The following ABCC11 variants were observed in gnomAD, a reference collection of about 807,000 sequenced individuals.
The protein encoded by ABCC11 is ATP binding cassette subfamily C member 11.
A neutral mutation model predicts 149.3 loss-of-function variants in ABCC11; 135 were observed. The ratio of observed to expected loss-of-function variants is 0.90; its 90% CI spans 0.79 to 1.04. The LOEUF is 1.04. ABCC11 is among the 50% of genes least tolerant of loss of function. ABCC11 has a pLI of 0.00. For missense variants in ABCC11, 1,680 were observed against 1,722.1 expected, an observed-to-expected ratio of 0.98 and a Z score of 0.43; for synonymous variants, 665 against 671.4, an observed-to-expected ratio of 0.99 and a Z score of 0.15.
intron 18 of ABCC11, among the ~76,000 whole-genome samples, chr16:48,194,494 A>G (rs79827067): frequency 0.027 from 4,184 of 152,260 alleles, 71 homozygotes; most frequent in Non-Finnish European, 0.037. Flanking sequence ...TCCTATCCCC[A>G]TTTTCAATAG....
At chr16:48,237,760 C>T (rs1049186652) in intron 1 of ABCC11, among the ~76,000 whole-genome samples, 4 of 152,146 alleles carry the variant, frequency 2.6e-5, no homozygotes, top group Non-Finnish European at 4.4e-5. Context: ...ATTCCAGGAA[C>T]AGGTTCCTCA....
At chr16:48,206,737 C>T (rs767337234) in intron 12 of ABCC11, among the ~76,000 whole-genome samples, 1 of 152,196 alleles carries the variant, frequency 6.6e-6, no homozygotes, top group Non-Finnish European at 1.5e-5. Flanking sequence ...GAACAGAGCT[C>T]TGACCTCAGG....
At chr16:48,192,395 G>T in intron 20 of ABCC11, 125 bp downstream of exon 20, 1 of 1,068,366 alleles carries the variant, frequency 9.4e-7, no homozygotes, top group Non-Finnish European at 1.3e-6. Context: ...CATGAGTGGA[G>T]ATTGTGCCAC....
chr16:48,242,154 A>T (rs1322411811), intron 1 of ABCC11, among the ~76,000 whole-genome samples: 1 of 152,242 alleles, frequency 6.6e-6, no homozygotes, highest in Non-Finnish European at 1.5e-5. Context: ...CATCTGACAA[A>T]GGGCTAATAT....
chr16:48,193,306 T>C (rs1210936497), intron 19 of ABCC11, among the ~76,000 whole-genome samples: 1 of 152,144 alleles, frequency 6.6e-6, no homozygotes, highest in Non-Finnish European at 1.5e-5. Context: ...TGGTACACGA[T>C]CCAGAAATTA....
Position 48,167,484 on chromosome 16 carries a change from C to T in ABCC11, c.4056+12G>A, listed in dbSNP as rs191248135. Reference sequence around the variant, plus strand: ...CCTCATCCTCCCACCAGCCCAAGGACGCAGCCTTCACCTTCCCATTGCCCA... The same window carrying T: ...CCTCATCCTCCCACCAGCCCAAGGATGCAGCCTTCACCTTCCCATTGCCCA... On this transcript the variant is annotated intron_variant, in intron 29 of 29. Coordinates refer to ENST00000356608, the MANE Select transcript of ABCC11 (RefSeq NM_001370497.1). The T allele has an allele frequency of 1.9e-5, 31 of 1,613,806 alleles. No homozygotes were observed. The highest frequency in any genetic ancestry group is 1.3e-4 in the East Asian group (6 of 44,886).
At chr16:48,231,660 C>CAAAAAA (rs57185310) in intron 2 of ABCC11, among the ~76,000 whole-genome samples, 163 bp downstream of exon 2, 1 of 78,090 alleles carries the variant, frequency 1.3e-5, no homozygotes, top group Non-Finnish European at 2.8e-5. Context: ...GACCCTGAGT[C>CAAAAAA]AAAAAAAAAA....
rs1212315245 is a variant in ABCC11, at chr16:48,232,086, T to C, written c.-18-147A>G. 5.7e-6 allele frequency: 8 copies of C among 1,414,738 alleles called. No homozygotes were observed. The East Asian group carries it at 2.0e-4, about 36-fold the overall frequency. 87.6% of individuals were successfully genotyped at this position (1,414,738 alleles called of 1,614,324 possible). ...AGGTTTGGGTGCCTGCTCTTTCCTC[T>C]CCTTAGCCTGTGCTTGATCCCTCTT... On this transcript the variant is annotated intron_variant, in intron 1 of 29. Transcript: ENST00000356608.
At chr16:48,175,554 G>A in intron 25 of ABCC11, 137 bp from the exon 26 acceptor site, 1 of 1,055,860 alleles carries the variant, frequency 9.5e-7, no homozygotes, top group Non-Finnish European at 1.3e-6. Context: ...GAAGGGGTAG[G>A]AGAGGGCTGG....
At chr16:48,214,758 C>A in intron 9 of ABCC11, 123 bp downstream of exon 9, 1 of 1,334,808 alleles carries the variant, frequency 7.5e-7, no homozygotes, top group South Asian at 1.4e-5. Context: ...TCTGGAAAAT[C>A]AAAATCAACA....
At chr16:48,213,385 G>T (rs1969081664) in intron 10 of ABCC11, 58 bp downstream of exon 10, 3 of 1,464,600 alleles carry the variant, frequency 2.0e-6, no homozygotes, top group Non-Finnish European at 2.8e-6. Flanking sequence ...CATCATGGGG[G>T]CTGAAGGCAG....
In ABCC11 at chr16:48,224,394, C is replaced by T. The variant is rs150417900; in HGVS notation, c.431G>A (p.Arg144Gln). The change falls in exon 5 of 30, where the codon CGA becomes CAA. Residue 144 changes from arginine to glutamine, a missense_variant. Coordinates refer to ENST00000356608, the MANE Select transcript of ABCC11 (RefSeq NM_001370497.1). ...HRLWEEEVSR[R>Q]GIEKASVLLV... The stretch of plus-strand genomic sequence containing the variant: ...AAGCACTGAAGCTTTTTCAATCCCT[C>T]GCCTTGAGACTTCTTCTTCCCAAAG... The T allele has an allele frequency of 7.4e-6, 12 of 1,614,160 alleles. No individual in the cohort carries two copies. The highest frequency in any genetic ancestry group is 5.3e-5 in the African/African-American group (4 of 75,046).
intron 1 of ABCC11, among the ~76,000 whole-genome samples, chr16:48,239,637 A>C (rs1194214213): frequency 6.6e-6 from 1 of 151,858 alleles, no homozygotes; most frequent in Non-Finnish European, 1.5e-5. Context: ...TCATGATGAA[A>C]ACAACAAAAG....
intron 23 of ABCC11, among the ~76,000 whole-genome samples, chr16:48,181,004 G>A (rs1173378609): frequency 6.6e-6 from 1 of 152,196 alleles, no homozygotes; most frequent in Non-Finnish European, 1.5e-5. Flanking sequence ...AACAACCTTT[G>A]AGCAACCGCC....
chr16:48,217,611 A>G (rs1380243734), intron 6 of ABCC11, among the ~76,000 whole-genome samples: 1 of 152,234 alleles, frequency 6.6e-6, no homozygotes, highest in East Asian at 1.9e-4. Context: ...AAAAACAAAA[A>G]CACAAAATCT....
In ABCC11 at chr16:48,200,328, A is replaced by G; in HGVS notation, c.2030T>C (p.Ile677Thr). ...CGTCTTCCCCCTGAGTGTCTTCTTA[A>G]TGCACTCCTCAAAAATGTGCTTCCC... Reference protein sequence around the residue: ...HVGKHIFEECIKKTLRGKTVV... With the variant: ...HVGKHIFEECTKKTLRGKTVV... Residue 677 changes from isoleucine to threonine, a missense_variant, in exon 15 of 30, where the codon ATT (isoleucine) becomes ACT (threonine). Coordinates refer to ENST00000356608, the MANE Select transcript of ABCC11 (RefSeq NM_001370497.1). 6.2e-7 allele frequency: 1 copy of G among 1,614,214 alleles called. No individual in the cohort carries two copies. Among genetic ancestry groups the G allele is most frequent in the Non-Finnish European group, 8.5e-7 (1 of 1,180,040 alleles).
At chr16:48,218,987 A>G (rs972860276) in intron 6 of ABCC11, among the ~76,000 whole-genome samples, 39 of 152,166 alleles carry the variant, frequency 2.6e-4, no homozygotes, top group African/African-American at 9.4e-4. Flanking sequence ...CAACACAAAG[A>G]TGTAGTATCA....
chr16:48,175,229 T>C, intron 26 of ABCC11, 29 bp downstream of exon 26: 1 of 1,590,112 alleles, frequency 6.3e-7, no homozygotes, highest in Non-Finnish European at 8.6e-7. Context: ...ACCCACCTCC[T>C]GCAGGCTGCC....
rs752715664 is a variant in ABCC11 at position 48,178,729 on chromosome 16, G to A, written c.3259-43C>T. ...TATCGGGGGTCAAGAGGCTGCTGGG[G>A]TGTGCTCAGGCTCTTCAACGCTCCT... On this transcript the variant is annotated intron_variant, in intron 23 of 29. Transcript: ENST00000356608. 1.5e-5 allele frequency: 24 copies of A among 1,562,126 alleles called. No individual in the cohort carries two copies. The Admixed American group carries it at 3.5e-4, about 23-fold the overall frequency.
Sources: allele counts gnomAD v4.1 joint callset (sites outside exome capture counted in the v4.1 genomes callset), GRCh38; gene constraint gnomAD v4.1.1; transcripts MANE v1.5; gene names NCBI Gene and HGNC (gene_info 2026-07-23, HGNC 2026-07-21).